RAP1GAP: variants seen among roughly 807,000 people sequenced by gnomAD.
RAP1GAP encodes the protein RAP1 GTPase activating protein, also known as rap1 GTPase-activating protein 1.
Under a neutral mutation model 87.2 loss-of-function variants are expected in RAP1GAP, and 35 were observed. That is an observed-to-expected ratio of 0.40 (90% CI 0.31 to 0.53). RAP1GAP has a LOEUF of 0.53. Ranked by LOEUF, RAP1GAP falls within the 20% of genes least tolerant of loss-of-function variation. The pLI is 0.48. For missense variants in RAP1GAP, 734 were observed against 898.9 expected (o/e 0.82, Z 2.35); for synonymous variants, 375 against 363.9 (o/e 1.03, Z -0.35).
chr1:21,666,652 T>G (rs2097359886), intron 1 of RAP1GAP, among the ~76,000 whole-genome samples: 1 of 151,824 alleles, frequency 6.6e-6, no homozygotes, highest in Admixed American at 6.6e-5. Flanking sequence ...GGGCCTCCAC[T>G]CCCCTCCCCG....
intron 2 of RAP1GAP, among the ~76,000 whole-genome samples, chr1:21,641,041 G>T (rs973940769): frequency 6.6e-6 from 1 of 151,240 alleles, no homozygotes; most frequent in African/African-American, 2.4e-5. Context: ...CTGAGTAGCT[G>T]GGATCACAGG....
intron 2 of RAP1GAP, among the ~76,000 whole-genome samples, chr1:21,638,714 G>C (rs1013247493): frequency 1.3e-5 from 2 of 152,224 alleles, no homozygotes; most frequent in East Asian, 3.8e-4. Context: ...TGAACACTTA[G>C]TATTTGTGTA....
At chr1:21,598,130 T>C (rs1442823153) in intron 22 of RAP1GAP, 66 bp from the exon 23 acceptor site, 22 of 1,105,106 alleles carry the variant, frequency 2.0e-5, no homozygotes, top group Non-Finnish European at 1.8e-5. Flanking sequence ...GACGGGGGCA[T>C]AGGTGGGCGG....
intron 1 of RAP1GAP, among the ~76,000 whole-genome samples, chr1:21,665,772 C>G (rs1365739014): frequency 6.6e-6 from 1 of 152,214 alleles, no homozygotes; most frequent in Non-Finnish European, 1.5e-5. Flanking sequence ...TGGGCTGACC[C>G]CAGGGTGGCC....
Position 21,614,051 on chromosome 1 carries a change from G to T in RAP1GAP, c.330C>A (p.Gly110=), listed in dbSNP as rs759277983. The T allele has an allele frequency of 2.5e-6, 4 of 1,612,068 alleles. No homozygotes were observed. The Admixed American group carries it at 6.7e-5, about 27-fold the overall frequency. The change falls in exon 8 of 25, where the codon GGC becomes GGA. Residue 110 remains glycine, a synonymous_variant. Coordinates refer to ENST00000374765, the MANE Select transcript of RAP1GAP (RefSeq NM_002885.4). ...FNYYSLDAAL[G]HLVFSLKYDV... ...CGTACTTGAGTGAGAAGACAAGGTGGCCGAGGGCAGCGTCCAGTGAGTAGT... is the reference window on the plus strand; with the variant it reads ...CGTACTTGAGTGAGAAGACAAGGTGTCCGAGGGCAGCGTCCAGTGAGTAGT...
chr1:21,617,588 G>T, intron 6 of RAP1GAP, 97 bp from the exon 7 acceptor site: 1 of 1,378,756 alleles, frequency 7.3e-7, no homozygotes, highest in Non-Finnish European at 9.8e-7. Context: ...TTCTGTCGTG[G>T]CTAAGGGGTA....
intron 23 of RAP1GAP, 61 bp from the exon 24 acceptor site, chr1:21,597,789 A>G: frequency 6.3e-7 from 1 of 1,587,094 alleles, no homozygotes; most frequent in South Asian, 1.1e-5. Context: ...GGGGCGGGAG[A>G]CACAGGTGCA....
intron 2 of RAP1GAP, chr1:21,627,034 C>CT (rs777852603): frequency 4.4e-6 from 2 of 456,428 alleles, no homozygotes; most frequent in Non-Finnish European, 8.8e-6. Context: ...AGCCCGGACT[C>CT]TCTGCCCACA....
intron 19 of RAP1GAP, among the ~76,000 whole-genome samples, chr1:21,602,588 C>T (rs551096062): frequency 2.0e-5 from 3 of 152,350 alleles, no homozygotes; most frequent in African/African-American, 7.2e-5. Context: ...CCCTTGACTC[C>T]TCTGACCTAC....
chr1:21,650,708 G>A (rs1186727426), intron 1 of RAP1GAP, among the ~76,000 whole-genome samples: 1 of 152,220 alleles, frequency 6.6e-6, no homozygotes. Context: ...CATAGAACAG[G>A]ACCCAGCCTG....
chr1:21,644,962 G>T (rs2095892087), intron 2 of RAP1GAP, among the ~76,000 whole-genome samples: 1 of 151,334 alleles, frequency 6.6e-6, no homozygotes, highest in Non-Finnish European at 1.5e-5. Context: ...ACCCATCAGA[G>T]GTTGTTTCCT....
At chr1:21,598,198 T>G (rs1646361421) in intron 22 of RAP1GAP, 134 bp from the exon 23 acceptor site, 3 of 766,640 alleles carry the variant, frequency 3.9e-6, no homozygotes, top group Non-Finnish European at 6.2e-6. Flanking sequence ...TCCCCCATTA[T>G]CCTCCGAGAC....
At chr1:21,600,534 A>G (rs1215967746) in intron 20 of RAP1GAP, among the ~76,000 whole-genome samples, 1 of 152,076 alleles carries the variant, frequency 6.6e-6, no homozygotes, top group Non-Finnish European at 1.5e-5. Flanking sequence ...CAGCTTCTTA[A>G]AGCATCGCCC....
intron 1 of RAP1GAP, chr1:21,651,874 C>A (rs2096601941): frequency 2.9e-6 from 3 of 1,045,612 alleles, no homozygotes; most frequent in South Asian, 4.4e-5. Context: ...GCCGCCTTCC[C>A]GCGCCCGGGT....
chr1:21,626,504 A>G, intron 2 of RAP1GAP, 107 bp from the exon 3 acceptor site: 1 of 908,812 alleles, frequency 1.1e-6, no homozygotes, highest in South Asian at 1.4e-5. Flanking sequence ...GATAGACTTC[A>G]CGGAGGAGAG....
rs976999469 is a variant in RAP1GAP at position 21,603,234 on chromosome 1, C to G, written c.1429-321G>C. On this transcript the variant is annotated intron_variant, in intron 18 of 24. Transcript: ENST00000374765. The surrounding 1 kb of genome is among the most constrained non-coding windows in gnomAD (Gnocchi z 6.0). ...GGCTACCGCTCCCCGCCCCCCAGGG[C>G]TCTGTGGGATCTGCAGCCTAAGGGC... is the stretch of plus-strand genomic sequence containing the variant. 4 of 404,072 alleles carry G rather than the reference C, an allele frequency of 9.9e-6. No homozygotes were observed. Among genetic ancestry groups the G allele is most frequent in the African/African-American group, 8.1e-5 (4 of 49,352 alleles). The allele number at this position is 404,072 out of a possible 1,614,324, so 25.0% of individuals were successfully genotyped here.
At chr1:21,665,857 T>A (rs897531353) in intron 1 of RAP1GAP, among the ~76,000 whole-genome samples, 4 of 152,052 alleles carry the variant, frequency 2.6e-5, no homozygotes, top group African/African-American at 9.7e-5. Context: ...CTGCAGGAAG[T>A]CATCAGCCTG....
intron 1 of RAP1GAP, among the ~76,000 whole-genome samples, chr1:21,656,633 G>C (rs1007821882): frequency 1.3e-5 from 2 of 152,168 alleles, no homozygotes; most frequent in African/African-American, 4.8e-5. Context: ...GGAAGAGTGG[G>C]TGTGACTTGG....
intron 23 of RAP1GAP, 30 bp downstream of exon 23, chr1:21,597,931 T>C: frequency 1.3e-6 from 2 of 1,546,744 alleles, no homozygotes; most frequent in Non-Finnish European, 1.8e-6. Context: ...TGGGGCTCCC[T>C]CAGCACCAGC....
Sources: allele counts gnomAD v4.1 joint callset (sites outside exome capture counted in the v4.1 genomes callset), GRCh38; gene constraint gnomAD v4.1.1; non-coding constraint Gnocchi (gnomAD v3.1); transcripts MANE v1.5; gene names NCBI Gene and HGNC (gene_info 2026-07-23, HGNC 2026-07-21).